Variants in DPF3 observed in about 807,000 individuals in gnomAD.
DPF3 encodes the protein double PHD fingers 3, also known as zinc finger protein DPF3.
In DPF3, 18 loss-of-function variants were observed where a neutral mutation model predicts 56.8. That is an observed-to-expected ratio of 0.32 (90% CI 0.22 to 0.47). The LOEUF (loss-of-function observed/expected upper bound fraction) is 0.47. DPF3 is among the 20% of genes least tolerant of loss of function. The pLI, the probability that DPF3 is intolerant of heterozygous loss-of-function variation, is 1.00. For missense variants in DPF3, 403 were observed against 488.8 expected (o/e 0.82, Z 1.65); for synonymous variants, 188 against 180.2 (o/e 1.04, Z -0.35).
At chr14:72,830,805 C>A (rs534885482) in intron 1 of DPF3, among the ~76,000 whole-genome samples, 2 of 152,282 alleles carry the variant, frequency 1.3e-5, no homozygotes, top group East Asian at 3.9e-4. Context: ...GACAAATGAA[C>A]CCCTTGTCAC....
chr14:72,838,908 C>CTTTTTTTTTT lies in DPF3; in HGVS notation c.32+55139_32+55148dup, dbSNP rs376458640. On this transcript the variant is annotated intron_variant, in intron 1 of 10. Transcript: ENST00000556509. ...TATCATATATATTATCATATATATT[C>CTTTTTTTTTT]TTTTTTTTTTTTTTTTTTTTTTTTT... is the stretch of plus-strand genomic sequence containing the variant. 1.5e-3 allele frequency among the ~76,000 whole-genome samples: 120 copies of CTTTTTTTTTT among 78,580 alleles called. 19 individuals are homozygous for CTTTTTTTTTT. The highest frequency in any genetic ancestry group is 6.7e-3 in the African/African-American group (97 of 14,408). 51.6% of individuals were successfully genotyped at this position (78,580 alleles called of 152,430 possible).
At chr14:72,847,507 T>C (rs1162165306) in intron 1 of DPF3, among the ~76,000 whole-genome samples, 1 of 151,208 alleles carries the variant, frequency 6.6e-6, no homozygotes. Flanking sequence ...CTCCTTTCTA[T>C]TTTTTTTTCA....
At chr14:72,774,625 CA>C (rs919318078) in intron 1 of DPF3, among the ~76,000 whole-genome samples, 12 of 149,616 alleles carry the variant, frequency 8.0e-5, no homozygotes, top group African/African-American at 2.5e-4. Flanking sequence ...GACAAGCATC[CA>C]AAAAAAAACA....
At chr14:72,784,701 G>A (rs1892136893) in intron 1 of DPF3, among the ~76,000 whole-genome samples, 3 of 152,218 alleles carry the variant, frequency 2.0e-5, no homozygotes, top group Admixed American at 2.0e-4. Context: ...GCTCACGCCT[G>A]TAATCCTAAC....
intron 1 of DPF3, among the ~76,000 whole-genome samples, chr14:72,821,646 G>A (rs1007483455): frequency 6.6e-6 from 1 of 151,350 alleles, no homozygotes; most frequent in Non-Finnish European, 1.5e-5. Context: ...CTTATGGGTA[G>A]AGAAACACAT....
intron 7 of DPF3, among the ~76,000 whole-genome samples, chr14:72,678,727 A>G (rs756899271): frequency 1.3e-4 from 20 of 152,184 alleles, no homozygotes; most frequent in Non-Finnish European, 2.9e-4. Flanking sequence ...GAGGGCAAAG[A>G]CCCGACTGGC....
intron 3 of DPF3, among the ~76,000 whole-genome samples, chr14:72,740,749 G>A (rs1410535512): frequency 6.6e-6 from 1 of 152,244 alleles, no homozygotes; most frequent in Admixed American, 6.5e-5. Context: ...AGTAAAAGCA[G>A]AGAGGAGGCC....
At chr14:72,734,330 G>A (rs958797215) in intron 3 of DPF3, among the ~76,000 whole-genome samples, 13 of 152,334 alleles carry the variant, frequency 8.5e-5, no homozygotes, top group East Asian at 3.9e-4. Context: ...TTACATTTAA[G>A]GAGAGTGTCA....
chr14:72,863,146 ATGTGTGTG>A (rs57171669), intron 1 of DPF3, among the ~76,000 whole-genome samples: 2,669 of 140,704 alleles, frequency 0.019, 98 homozygotes, highest in African/African-American at 0.067. Flanking sequence ...GTATATATAT[ATGTGTGTG>A]TGTGTGTGTG....
At chr14:72,683,125 G>A (rs965656364) in intron 7 of DPF3, among the ~76,000 whole-genome samples, 1 of 151,966 alleles carries the variant, frequency 6.6e-6, no homozygotes, top group South Asian at 2.1e-4. Flanking sequence ...TCGGGAGTTC[G>A]AGACCAGCCT....
intron 3 of DPF3, among the ~76,000 whole-genome samples, chr14:72,739,890 A>T (rs932134378): frequency 6.6e-6 from 1 of 152,236 alleles, no homozygotes; most frequent in Non-Finnish European, 1.5e-5. Context: ...TAGAATTTAT[A>T]TTCTAGCAAG....
intron 7 of DPF3, among the ~76,000 whole-genome samples, chr14:72,684,069 C>A (rs1382808514): frequency 6.6e-6 from 1 of 152,092 alleles, no homozygotes; most frequent in Non-Finnish European, 1.5e-5. Flanking sequence ...TTCTTAGAAA[C>A]AAGATCTCTC....
chr14:72,875,300 G>A (rs1886069573), intron 1 of DPF3, among the ~76,000 whole-genome samples: 1 of 152,142 alleles, frequency 6.6e-6, no homozygotes, highest in South Asian at 2.1e-4. Context: ...CCAGCCACTT[G>A]GGAAGCTGGG....
intron 3 of DPF3, among the ~76,000 whole-genome samples, chr14:72,744,841 C>T (rs1026003663): frequency 2.0e-5 from 3 of 152,080 alleles, no homozygotes; most frequent in East Asian, 1.9e-4. Flanking sequence ...GAGAGTCTGA[C>T]GTGGAAAGAA....
rs1347181935 is a variant in DPF3 at position 72,609,277 on chromosome 14, C to A, written c.*10020G>T. Among the ~76,000 whole-genome samples, 1 of 152,164 alleles carries A rather than the reference C, an allele frequency of 6.6e-6. No individual in the cohort carries two copies. The highest frequency in any genetic ancestry group is 2.4e-5 in the African/African-American group (1 of 41,440). On this transcript the variant is annotated 3_prime_UTR_variant, in exon 11 of 11. Coordinates refer to ENST00000556509, the MANE Select transcript of DPF3 (RefSeq NM_001280542.3). Reference sequence around the variant, plus strand: ...TCTCATCAGCGACAGGTCTCCCTCCCAGAACCCCATCAGGACAGGAGAAAA... The same window carrying A: ...TCTCATCAGCGACAGGTCTCCCTCCAAGAACCCCATCAGGACAGGAGAAAA...
At chr14:72,872,334 T>TA (rs1213361685) in intron 1 of DPF3, among the ~76,000 whole-genome samples, 8 of 152,202 alleles carry the variant, frequency 5.3e-5, no homozygotes, top group Admixed American at 5.2e-4. Context: ...GGATTAACAT[T>TA]AGGATACTTG....
intron 5 of DPF3, among the ~76,000 whole-genome samples, chr14:72,720,701 G>A (rs1889134597): frequency 6.6e-6 from 1 of 152,200 alleles, no homozygotes; most frequent in African/African-American, 2.4e-5. Flanking sequence ...GAACTCAGAG[G>A]AGAAAGCACA....
rs963675211 is a variant in DPF3, at chr14:72,670,397, C to T, written c.871+3843G>A. 5.1e-6 allele frequency: 5 copies of T among 985,952 alleles called. No homozygotes were observed. In the East Asian group the frequency reaches 3.4e-4, roughly 67 times the overall value. 61.1% of individuals were successfully genotyped at this position (985,952 alleles called of 1,614,324 possible). A position where few individuals can be genotyped will look rare whatever the true frequency, so the allele number is the denominator to read the frequency against. On this transcript the variant is annotated intron_variant, in intron 8 of 10. Coordinates refer to ENST00000556509, the MANE Select transcript of DPF3 (RefSeq NM_001280542.3). Reference sequence around the variant, plus strand: ...GAGCCCAGGAGGCGGCTGGTCAGGGCCCAGGTGTGGAGGGAGGCCAGGCAT... The same window carrying T: ...GAGCCCAGGAGGCGGCTGGTCAGGGTCCAGGTGTGGAGGGAGGCCAGGCAT...
intron 8 of DPF3, among the ~76,000 whole-genome samples, chr14:72,667,787 T>G (rs1247090966): frequency 6.6e-6 from 1 of 152,210 alleles, no homozygotes; most frequent in African/African-American, 2.4e-5. Flanking sequence ...AAAAGCTATA[T>G]TCATTACAAA....
Sources: allele counts gnomAD v4.1 joint callset (sites outside exome capture counted in the v4.1 genomes callset), GRCh38; gene constraint gnomAD v4.1.1; transcripts MANE v1.5; gene names NCBI Gene and HGNC (gene_info 2026-07-23, HGNC 2026-07-21).